ABHD13: variants seen among roughly 807,000 people sequenced by gnomAD.
ABHD13 encodes the protein abhydrolase domain containing 13, also known as protein ABHD13.
Under a neutral mutation model 25.2 loss-of-function variants are expected in ABHD13, and 7 were observed. The ratio of observed to expected loss-of-function variants is 0.28; its 90% CI spans 0.16 to 0.52. The LOEUF is 0.52. Ranked by LOEUF, ABHD13 falls within the 20% of genes least tolerant of loss-of-function variation. The probability of loss-of-function intolerance (pLI) is 0.96; values close to 1 mark genes in which losing one functional copy is unlikely to be tolerated. For synonymous variants in ABHD13, 133 were observed against 136.1 expected, an observed-to-expected ratio of 0.98 and a Z score of 0.16; for missense variants, 302 against 402.7, an observed-to-expected ratio of 0.75 and a Z score of 2.14.
chr13:108,225,218 G>A (rs1594489771), intron 1 of ABHD13, among the ~76,000 whole-genome samples: 2 of 152,326 alleles, frequency 1.3e-5, no homozygotes, highest in East Asian at 1.9e-4. Flanking sequence ...GGAGCAGGAT[G>A]TGTTTAGTTT....
rs371381537 is a variant in ABHD13 at position 108,230,435 on chromosome 13, A to G, written c.*203A>G. The G allele has an allele frequency of 1.6e-4, 80 of 514,938 alleles. No individual in the cohort carries two copies. The highest frequency in any genetic ancestry group is 1.2e-3 in the African/African-American group (59 of 51,290). The allele number at this position is 514,938 out of a possible 1,614,324, so 31.9% of individuals were successfully genotyped here. A position where few individuals can be genotyped will look rare whatever the true frequency, so the allele number is the denominator to read the frequency against. On this transcript the variant is annotated 3_prime_UTR_variant, in exon 2 of 2. Coordinates refer to ENST00000375898, the MANE Select transcript of ABHD13 (RefSeq NM_032859.3). ...GGGATTCTTTCATACATTTTCATCA[A>G]AACTTTCAGTGTGATTATGTATTCA...
rs1227532821 is a variant in ABHD13 at position 108,230,555 on chromosome 13, G to A, written c.*323G>A. 5.3e-6 allele frequency: 1 copy of A among 187,032 alleles called. No individual in the cohort carries two copies. Among genetic ancestry groups the A allele is most frequent in the Non-Finnish European group, 1.2e-5 (1 of 82,212 alleles). 11.6% of individuals were successfully genotyped at this position (187,032 alleles called of 1,614,324 possible). On this transcript the variant is annotated 3_prime_UTR_variant, in exon 2 of 2. Coordinates refer to ENST00000375898, the MANE Select transcript of ABHD13 (RefSeq NM_032859.3). ...CTGTTACACAGATGAATAGCTAGAT[G>A]TGGAAAGAGATATGTAAACAAGAAA...
chr13:108,222,330 A>G (rs916773203), intron 1 of ABHD13, among the ~76,000 whole-genome samples: 5 of 152,202 alleles, frequency 3.3e-5, no homozygotes, highest in East Asian at 3.8e-4. Context: ...TTTGAGTTTC[A>G]GTTCTTGATA....
In ABHD13 at chr13:108,230,896, G is replaced by C. The variant is rs866556627; in HGVS notation, c.*664G>C. ...CCAGCTTTTTCTTACAAATAAATGG[G>C]ACCCTGTTTTCCAATACAAATGTAC... On this transcript the variant is annotated 3_prime_UTR_variant, in exon 2 of 2. Transcript: ENST00000375898. The C allele has an allele frequency of 4.8e-5, 8 of 166,880 alleles. No homozygotes were observed. The East Asian group carries it at 1.2e-3, about 24-fold the overall frequency. The allele number at this position is 166,880 out of a possible 1,614,324, so 10.3% of individuals were successfully genotyped here. A position where few individuals can be genotyped will look rare whatever the true frequency, so the allele number is the denominator to read the frequency against.
At chr13:108,218,740 G>C (rs1301127648) in intron 1 of ABHD13, 81 bp downstream of exon 1, 2 of 151,492 alleles carry the variant, frequency 1.3e-5, no homozygotes, top group East Asian at 4.0e-4. Context: ...GGGAGCCGCC[G>C]GCTCCTCCAG....
At chr13:108,226,743 A>G (rs1250263127) in intron 1 of ABHD13, among the ~76,000 whole-genome samples, 2 of 152,108 alleles carry the variant, frequency 1.3e-5, no homozygotes, top group Non-Finnish European at 2.9e-5. Flanking sequence ...GTGCATGGTA[A>G]TTATGCTTTG....
In ABHD13 at chr13:108,229,757, C is replaced by T. The variant is rs1420304233; in HGVS notation, c.539C>T (p.Pro180Leu). The T allele has an allele frequency of 6.2e-7, 1 of 1,613,326 alleles. No individual in the cohort carries two copies. The highest frequency in any genetic ancestry group is 8.5e-7 in the Non-Finnish European group (1 of 1,179,496). The change falls in exon 2 of 2, where the codon CCT becomes CTT. Residue 180 changes from proline (P) to leucine (L), a missense_variant. Transcript: ENST00000375898. The surrounding 1 kb of genome is among the most constrained non-coding windows in gnomAD (Gnocchi z 4.7). Reference protein sequence around the residue: ...EAVLDYVMTRPDLDKTKIFLF... With the variant: ...EAVLDYVMTRLDLDKTKIFLF... ...GTGTTAGACTACGTGATGACTAGAC[C>T]TGACCTTGATAAAACAAAAATTTTT...
rs1331782486 is a variant in ABHD13 at position 108,233,260 on chromosome 13, T to C, written c.*3028T>C. On this transcript the variant is annotated 3_prime_UTR_variant, in exon 2 of 2. Transcript: ENST00000375898. ...CTGATGCTTATATATTAATTTCTTA[T>C]GTTTGTAAGTTTGGCTTTGTGGGAA... The C allele has an allele frequency of 6.0e-6, 1 of 166,834 alleles. No individual in the cohort carries two copies. The highest frequency in any genetic ancestry group is 1.5e-5 in the Non-Finnish European group (1 of 68,012). The allele number at this position is 166,834 out of a possible 1,614,324, so 10.3% of individuals were successfully genotyped here.
In ABHD13 at chr13:108,234,169, A is replaced by G. The variant is rs1879874267; in HGVS notation, c.*3937A>G. 1.2e-5 allele frequency: 2 copies of G among 166,970 alleles called. No homozygotes were observed. The highest frequency in any genetic ancestry group is 4.1e-4 in the South Asian group (2 of 4,838). The allele number at this position is 166,970 out of a possible 1,614,324, so 10.3% of individuals were successfully genotyped here. A position where few individuals can be genotyped will look rare whatever the true frequency, so the allele number is the denominator to read the frequency against. On this transcript the variant is annotated 3_prime_UTR_variant, in exon 2 of 2. Coordinates refer to ENST00000375898, the MANE Select transcript of ABHD13 (RefSeq NM_032859.3). Reference sequence around the variant, plus strand: ...CAAACATTTACATTTGTTTTTTACAATAAATTTCTTTTAAAATATACTTTC... The same window carrying G: ...CAAACATTTACATTTGTTTTTTACAGTAAATTTCTTTTAAAATATACTTTC...
rs1371528392 is a variant in ABHD13 at position 108,233,711 on chromosome 13, AT to A, written c.*3480del. The stretch of plus-strand genomic sequence containing the variant: ...TGTTTATTCTTAATACTATATATAT[AT>A]ATACACACATAGTTTTAGCAAATTG... On this transcript the variant is annotated 3_prime_UTR_variant, in exon 2 of 2. Transcript: ENST00000375898. The A allele has an allele frequency of 6.0e-6, 1 of 166,316 alleles. No homozygotes were observed. Among genetic ancestry groups the A allele is most frequent in the African/African-American group, 2.4e-5 (1 of 41,406 alleles). The allele number at this position is 166,316 out of a possible 1,614,324, so 10.3% of individuals were successfully genotyped here.
chr13:108,231,151 A>G lies in ABHD13; in HGVS notation c.*919A>G, dbSNP rs1879795640. On this transcript the variant is annotated 3_prime_UTR_variant, in exon 2 of 2. Coordinates refer to ENST00000375898, the MANE Select transcript of ABHD13 (RefSeq NM_032859.3). ...TTAGGAAGTCTTTTATCATTGCAGG[A>G]TTGTACATACTACTTTATAAAAATT... The G allele has an allele frequency of 6.0e-6, 1 of 166,690 alleles. No individual in the cohort carries two copies. The highest frequency in any genetic ancestry group is 2.4e-5 in the African/African-American group (1 of 41,438). 10.3% of individuals were successfully genotyped at this position (166,690 alleles called of 1,614,324 possible).
chr13:108,229,677 T>C lies in ABHD13; in HGVS notation c.459T>C (p.Tyr153=), dbSNP rs1325231355. The C allele has an allele frequency of 3.1e-6, 5 of 1,613,334 alleles. No homozygotes were observed. The highest frequency in any genetic ancestry group is 4.2e-6 in the Non-Finnish European group (5 of 1,179,558). Residue 153 remains tyrosine, a synonymous_variant, in exon 2 of 2, where the codon TAT becomes TAC. Transcript: ENST00000375898. The surrounding 1 kb of genome is among the most constrained non-coding windows in gnomAD (Gnocchi z 4.7). The part of the protein sequence containing the change: ...VNLLLVDYRG[Y]GKSEGEASEE... ...TTTTGCTGGTTGATTATCGAGGATATGGAAAAAGTGAAGGAGAAGCAAGTG... is the reference window on the plus strand; with the variant it reads ...TTTTGCTGGTTGATTATCGAGGATACGGAAAAAGTGAAGGAGAAGCAAGTG...
chr13:108,221,165 T>C (rs1879559807), intron 1 of ABHD13, among the ~76,000 whole-genome samples: 1 of 152,272 alleles, frequency 6.6e-6, no homozygotes, highest in East Asian at 1.9e-4. Flanking sequence ...CATCCAGTTA[T>C]TATCCAGCAT....
chr13:108,231,147 C>T lies in ABHD13; in HGVS notation c.*915C>T. On this transcript the variant is annotated 3_prime_UTR_variant, in exon 2 of 2. Transcript: ENST00000375898. ...TAAATTAGGAAGTCTTTTATCATTG[C>T]AGGATTGTACATACTACTTTATAAA... 6.0e-6 allele frequency: 1 copy of T among 166,606 alleles called. No homozygotes were observed. The highest frequency in any genetic ancestry group is 1.9e-4 in the East Asian group (1 of 5,194). The allele number at this position is 166,606 out of a possible 1,614,324, so 10.3% of individuals were successfully genotyped here.
chr13:108,230,004 C>T lies in ABHD13; in HGVS notation c.786C>T (p.Phe262=), dbSNP rs201781200. The T allele has an allele frequency of 4.5e-5, 73 of 1,613,080 alleles. 1 individual carries two copies. Among genetic ancestry groups the T allele is most frequent in the Middle Eastern group, 3.3e-4 (2 of 6,084 alleles). Residue 262 remains phenylalanine, a synonymous_variant, in exon 2 of 2, where the codon TTC becomes TTT. Transcript: ENST00000375898. ...KISQCRMPSL[F]ISGLSDQLIP... is the part of the protein sequence containing the mutation. ...CTCAGTGTAGAATGCCTTCACTTTT[C>T]ATCTCTGGACTCTCAGATCAATTAA...
At chr13:108,218,922 G>A (rs1363263822) in intron 1 of ABHD13, among the ~76,000 whole-genome samples, 1 of 152,142 alleles carries the variant, frequency 6.6e-6, no homozygotes, top group Non-Finnish European at 1.5e-5. Flanking sequence ...GCAAACTGAA[G>A]CCAAATACCT....
rs984153596 is a variant in ABHD13 at position 108,218,443 on chromosome 13, G to A, written c.-237G>A. 6.6e-5 allele frequency: 10 copies of A among 152,402 alleles called. No homozygotes were observed. Among genetic ancestry groups the A allele is most frequent in the African/African-American group, 2.4e-4 (10 of 41,578 alleles). 9.4% of individuals were successfully genotyped at this position (152,402 alleles called of 1,614,324 possible). A position where few individuals can be genotyped will look rare whatever the true frequency, so the allele number is the denominator to read the frequency against. On this transcript the variant is annotated 5_prime_UTR_variant, in exon 1 of 2. The change creates a premature stop within an existing upstream ORF in the 5' untranslated region. Transcript: ENST00000375898. ...AGCGGAGACGGAGAACAGGTTATGT[G>A]GGAGCCGGCGGGGGCATTTGCCGGC...
intron 1 of ABHD13, among the ~76,000 whole-genome samples, chr13:108,228,254 C>T (rs1186841218): frequency 6.6e-6 from 1 of 151,578 alleles, no homozygotes; most frequent in Non-Finnish European, 1.5e-5. Context: ...GAATTGTTCT[C>T]CAGTGAGTCA....
At chr13:108,227,330 C>T (rs979143009) in intron 1 of ABHD13, among the ~76,000 whole-genome samples, 7 of 151,496 alleles carry the variant, frequency 4.6e-5, no homozygotes, top group African/African-American at 1.2e-4. Context: ...ATGTTTTAGT[C>T]GTAAGTATAT....
Sources: gnomAD v4.1 joint callset for allele counts (sites outside exome capture counted in the v4.1 genomes callset) on GRCh38, gnomAD v4.1.1 for gene constraint, Gnocchi (gnomAD v3.1) non-coding constraint, MANE v1.5 for transcripts, NCBI Gene and HGNC (gene_info 2026-07-23, HGNC 2026-07-21) for gene names.